FARP1: variants seen among roughly 807,000 people sequenced by gnomAD.
FARP1 encodes the protein FERM, ARH/RhoGEF and pleckstrin domain protein 1.
Under a neutral mutation model 128.8 loss-of-function variants are expected in FARP1, and 52 were observed. That is an observed-to-expected ratio of 0.40 (90% CI 0.32 to 0.51). FARP1 has a LOEUF of 0.51. Ranked by LOEUF, FARP1 falls within the 20% of genes least tolerant of loss-of-function variation. FARP1 has a pLI of 0.45. For missense variants in FARP1, 1,333 were observed against 1,367.9 expected (o/e 0.97, Z 0.40); for synonymous variants, 580 against 551.8 (o/e 1.05, Z -0.72).
At chr13:98,378,519 T>C (rs1157332207) in intron 6 of FARP1, among the ~76,000 whole-genome samples, 1 of 152,178 alleles carries the variant, frequency 6.6e-6, no homozygotes, top group African/African-American at 2.4e-5. Context: ...ATATACACAT[T>C]ATGTTTCAGA....
intron 2 of FARP1, among the ~76,000 whole-genome samples, chr13:98,232,068 G>A (rs534006756): frequency 7.3e-5 from 11 of 150,424 alleles, no homozygotes; most frequent in African/African-American, 2.4e-4. Context: ...GACCTCAGGC[G>A]ATCTGCCCAC....
intron 3 of FARP1, among the ~76,000 whole-genome samples, chr13:98,354,364 A>AG (rs1888557965): frequency 6.6e-6 from 1 of 152,234 alleles, no homozygotes; most frequent in Admixed American, 6.5e-5. Flanking sequence ...AAGGGAAGGT[A>AG]GGGAGAGGTA....
chr13:98,413,631 G>C (rs1233612258), intron 16 of FARP1, among the ~76,000 whole-genome samples: 3 of 152,190 alleles, frequency 2.0e-5, no homozygotes, highest in Admixed American at 2.0e-4. Flanking sequence ...CTGCACTCCA[G>C]CCTGGGTGAC....
chr13:98,161,522 A>G (rs1248216511), intron 1 of FARP1, among the ~76,000 whole-genome samples: 1 of 151,882 alleles, frequency 6.6e-6, no homozygotes, highest in Non-Finnish European at 1.5e-5. Flanking sequence ...CGGCAGCTTC[A>G]GTAGTCTTTA....
intron 2 of FARP1, among the ~76,000 whole-genome samples, chr13:98,301,983 G>A (rs1389543227): frequency 6.6e-6 from 1 of 151,742 alleles, no homozygotes; most frequent in Admixed American, 6.6e-5. Flanking sequence ...TTTCCCCTAA[G>A]GAAACCTGAT....
intron 2 of FARP1, among the ~76,000 whole-genome samples, chr13:98,337,538 C>CGTGTGTGTGTGTGTGT (rs60625244): frequency 3.0e-5 from 4 of 132,094 alleles, no homozygotes; most frequent in East Asian, 5.0e-4. Context: ...TCTGTGTAGC[C>CGTGTGTGTGTGTGTGT]GTGTGTGTGT....
intron 3 of FARP1, among the ~76,000 whole-genome samples, chr13:98,344,774 G>T (rs1424478624): frequency 1.3e-5 from 2 of 152,060 alleles, no homozygotes; most frequent in Non-Finnish European, 2.9e-5. Flanking sequence ...ATCTGTCATG[G>T]GCCTAAAAAT....
intron 3 of FARP1, among the ~76,000 whole-genome samples, chr13:98,345,032 G>A (rs1351719931): frequency 6.6e-6 from 1 of 152,142 alleles, no homozygotes; most frequent in Non-Finnish European, 1.5e-5. Flanking sequence ...AAGTAGTTAC[G>A]GTTTCCATTC....
chr13:98,305,393 T>C (rs1419082301), intron 2 of FARP1, among the ~76,000 whole-genome samples: 2 of 151,970 alleles, frequency 1.3e-5, no homozygotes, highest in Non-Finnish European at 2.9e-5. Flanking sequence ...AAAGACGTGA[T>C]CTCAGCTCAC....
intron 1 of FARP1, among the ~76,000 whole-genome samples, chr13:98,172,592 G>A (rs1202365846): frequency 6.6e-6 from 1 of 152,124 alleles, no homozygotes; most frequent in East Asian, 1.9e-4. Flanking sequence ...TAACCTGCCC[G>A]CTTCCTGGTT....
At chr13:98,180,630 A>C (rs1878437910) in intron 1 of FARP1, among the ~76,000 whole-genome samples, 1 of 152,110 alleles carries the variant, frequency 6.6e-6, no homozygotes, top group South Asian at 2.1e-4. Flanking sequence ...AAGTTAGTTG[A>C]GATTTTTCAG....
rs567781544 is a variant in FARP1 at position 98,395,211 on chromosome 13, T to C, written c.1165-16T>C. 1.9e-6 allele frequency: 3 copies of C among 1,579,684 alleles called. No homozygotes were observed. In the East Asian group the frequency reaches 6.8e-5, roughly 36 times the overall value. On this transcript the variant is annotated splice_polypyrimidine_tract_variant and intron_variant, in intron 12 of 26. Coordinates refer to ENST00000319562, the MANE Select transcript of FARP1 (RefSeq NM_005766.4). ...TCTTCTCTATCTCTCCGCACCTTTT[T>C]CCCCACCCCACCCAGTCTCAGCAGA...
At chr13:98,429,678 A>C (rs1891936719) in intron 17 of FARP1, among the ~76,000 whole-genome samples, 1 of 152,132 alleles carries the variant, frequency 6.6e-6, no homozygotes, top group Admixed American at 6.5e-5. Flanking sequence ...CTGAGGCAGG[A>C]GGAAGTGGGC....
At position 98,448,412 on chromosome 13, in the gene FARP1, G is replaced by GA; in HGVS notation, c.*99dup. 2 of 1,030,624 alleles carry GA rather than the reference G, an allele frequency of 1.9e-6. No homozygotes were observed. The highest frequency in any genetic ancestry group is 4.8e-5 in the East Asian group (2 of 41,494). 63.8% of individuals were successfully genotyped at this position (1,030,624 alleles called of 1,614,324 possible). A position where few individuals can be genotyped will look rare whatever the true frequency, so the allele number is the denominator to read the frequency against. On this transcript the variant is annotated 3_prime_UTR_variant, in exon 27 of 27. Transcript: ENST00000319562. Reference sequence around the variant, plus strand: ...AGCCTGGTAAAATTAACACCTGTCTGAAAATCAAAAACATGGCTTCCCAGC... The same window carrying GA: ...AGCCTGGTAAAATTAACACCTGTCTGAAAAATCAAAAACATGGCTTCCCAGC...
intron 1 of FARP1, among the ~76,000 whole-genome samples, chr13:98,175,396 C>T (rs1190859043): frequency 6.6e-6 from 1 of 152,034 alleles, no homozygotes; most frequent in Non-Finnish European, 1.5e-5. Flanking sequence ...AACTCCTCCC[C>T]TCCTTGGTTC....
intron 1 of FARP1, among the ~76,000 whole-genome samples, chr13:98,198,890 C>T (rs1476235097): frequency 1.9e-5 from 1 of 51,618 alleles, no homozygotes; most frequent in Non-Finnish European, 4.5e-5. Context: ...TCTCAACCCT[C>T]CCTGCTCCGC....
chr13:98,341,999 C>CT (rs1179086356), intron 2 of FARP1, among the ~76,000 whole-genome samples: 1 of 152,198 alleles, frequency 6.6e-6, no homozygotes, highest in Non-Finnish European at 1.5e-5. Flanking sequence ...ACTAAACCAT[C>CT]TATAATACAG....
intron 16 of FARP1, among the ~76,000 whole-genome samples, chr13:98,414,037 C>T (rs1459346357): frequency 6.6e-6 from 1 of 152,204 alleles, no homozygotes; most frequent in East Asian, 1.9e-4. Flanking sequence ...CATTGGAGGG[C>T]GCCACCAGAG....
chr13:98,428,008 G>T (rs988065804), intron 17 of FARP1, among the ~76,000 whole-genome samples: 3 of 152,096 alleles, frequency 2.0e-5, no homozygotes, highest in Admixed American at 6.5e-5. Context: ...CAGCACTGTT[G>T]TCCAAATGCT....
Sources: gnomAD v4.1 joint callset for allele counts (sites outside exome capture counted in the v4.1 genomes callset) on GRCh38, gnomAD v4.1.1 for gene constraint, MANE v1.5 for transcripts, NCBI Gene and HGNC (gene_info 2026-07-23, HGNC 2026-07-21) for gene names.